SLIT3: variants seen among roughly 807,000 people sequenced by gnomAD.
SLIT3 encodes slit homolog 3 protein.
In SLIT3, 68 loss-of-function variants were observed where a neutral mutation model predicts 184.0. The ratio of observed to expected loss-of-function variants is 0.37; its 90% CI spans 0.30 to 0.45. SLIT3 has a LOEUF of 0.45. SLIT3 is among the 20% of genes least tolerant of loss of function. The pLI is 1.00. For synonymous variants in SLIT3, 831 were observed against 828.6 expected (o/e 1.00, Z -0.05); for missense variants, 1,707 against 2,026.0 (o/e 0.84, Z 3.02).
intron 3 of SLIT3, among the ~76,000 whole-genome samples, chr5:169,198,659 C>T (rs748349369): frequency 9.2e-5 from 14 of 152,080 alleles, no homozygotes; most frequent in East Asian, 3.9e-4. Flanking sequence ...CCTGGCCGGG[C>T]GTGGTGGCTC....
At chr5:169,031,747 C>T (rs1160053894) in intron 4 of SLIT3, among the ~76,000 whole-genome samples, 2 of 152,144 alleles carry the variant, frequency 1.3e-5, no homozygotes, top group African/African-American at 4.8e-5. Flanking sequence ...GTAGTCATTG[C>T]AGGGACTTAA....
intron 4 of SLIT3, among the ~76,000 whole-genome samples, chr5:169,153,405 T>C (rs1470519491): frequency 6.6e-6 from 1 of 152,250 alleles, no homozygotes; most frequent in Non-Finnish European, 1.5e-5. Flanking sequence ...TTCAGGTGCT[T>C]TTGCAGAATT....
chr5:168,776,661 T>TC (rs1755758636), intron 12 of SLIT3, among the ~76,000 whole-genome samples: 1 of 151,970 alleles, frequency 6.6e-6, no homozygotes, highest in Non-Finnish European at 1.5e-5. Context: ...GCAACATCCC[T>TC]CCCCCCTGCA....
chr5:169,172,338 G>A (rs544417492), intron 4 of SLIT3, among the ~76,000 whole-genome samples: 13 of 152,278 alleles, frequency 8.5e-5, no homozygotes, highest in African/African-American at 3.1e-4. Context: ...ATATTAAGAA[G>A]TTGTAACTTC....
intron 4 of SLIT3, among the ~76,000 whole-genome samples, chr5:169,105,197 G>C (rs144516035): frequency 4.0e-5 from 6 of 151,780 alleles, no homozygotes. Flanking sequence ...TTTTCCATGC[G>C]TCACAAATAC....
chr5:168,708,880 A>G (rs1290951286), intron 25 of SLIT3, among the ~76,000 whole-genome samples: 1 of 152,124 alleles, frequency 6.6e-6, no homozygotes, highest in Non-Finnish European at 1.5e-5. Flanking sequence ...TCAGTGAGTG[A>G]CTGTTTGTGG....
chr5:168,778,979 T>C (rs761150079), intron 12 of SLIT3, among the ~76,000 whole-genome samples: 8 of 152,172 alleles, frequency 5.3e-5, no homozygotes, highest in Non-Finnish European at 8.8e-5. Flanking sequence ...TCGGAGATCA[T>C]ATAAATGAAA....
chr5:169,270,237 G>A lies in SLIT3; in HGVS notation c.198-18778C>T, dbSNP rs867448898. Among the ~76,000 whole-genome samples the A allele has an allele frequency of 2.0e-5, 3 of 152,088 alleles. No individual in the cohort carries two copies. In the South Asian group the frequency reaches 6.2e-4, roughly 32 times the overall value. On this transcript the variant is annotated intron_variant, in intron 1 of 35. Coordinates refer to ENST00000519560, the MANE Select transcript of SLIT3 (RefSeq NM_003062.4). ...TTCATTCAATCAGCGTTTATGAATG[G>A]CAACTTAGTGCCAGGACCGAGTCTA...
At chr5:168,991,318 C>G (rs970088836) in intron 4 of SLIT3, among the ~76,000 whole-genome samples, 2 of 152,310 alleles carry the variant, frequency 1.3e-5, no homozygotes. Context: ...TCAGAGGCCT[C>G]CAAAGGAGGA....
intron 4 of SLIT3, among the ~76,000 whole-genome samples, chr5:169,093,349 A>G (rs1434698086): frequency 6.6e-6 from 1 of 152,190 alleles, no homozygotes; most frequent in Non-Finnish European, 1.5e-5. Flanking sequence ...AAATTCTGGA[A>G]CTGATTATAA....
chr5:168,695,779 C>T (rs927811636), intron 28 of SLIT3, among the ~76,000 whole-genome samples: 3 of 152,154 alleles, frequency 2.0e-5, no homozygotes, highest in Non-Finnish European at 4.4e-5. Context: ...TGTGATCCCA[C>T]ACCCCAGGGC....
chr5:169,000,856 T>C (rs1055019865), intron 4 of SLIT3, among the ~76,000 whole-genome samples: 1 of 152,238 alleles, frequency 6.6e-6, no homozygotes, highest in African/African-American at 2.4e-5. Flanking sequence ...ATTTAATTTA[T>C]ACTAGATGTT....
intron 23 of SLIT3, among the ~76,000 whole-genome samples, chr5:168,717,667 CTTTTTT>C (rs753109811): frequency 1.3e-4 from 19 of 146,510 alleles, no homozygotes; most frequent in African/African-American, 3.7e-4. Context: ...TCTGTCTTTT[CTTTTTT>C]TTTTTGAGAC....
chr5:168,832,422 C>T (rs991609585), intron 6 of SLIT3, among the ~76,000 whole-genome samples: 3 of 152,216 alleles, frequency 2.0e-5, no homozygotes, highest in East Asian at 1.9e-4. Context: ...CATGTAGTTA[C>T]GTAGCCAGAG....
intron 14 of SLIT3, among the ~76,000 whole-genome samples, chr5:168,770,821 A>C (rs2082400): frequency 1.3e-5 from 2 of 151,766 alleles, no homozygotes; most frequent in Non-Finnish European, 2.9e-5. Flanking sequence ...AGTTAGAACT[A>C]AGCTCTACTG....
intron 23 of SLIT3, chr5:168,720,968 A>G (rs1043204511): frequency 6.6e-6 from 1 of 152,052 alleles, no homozygotes. Flanking sequence ...TCTGCAACCT[A>G]CTGACTGCTA....
At chr5:169,272,779 T>C (rs1335854725) in intron 1 of SLIT3, among the ~76,000 whole-genome samples, 5 of 152,184 alleles carry the variant, frequency 3.3e-5, no homozygotes, top group Non-Finnish European at 5.9e-5. Flanking sequence ...GAGCCAAACA[T>C]TGGCTCCAGT....
chr5:169,154,182 G>C (rs537126319), intron 4 of SLIT3, among the ~76,000 whole-genome samples: 1 of 151,980 alleles, frequency 6.6e-6, no homozygotes, highest in Non-Finnish European at 1.5e-5. Context: ...CCGTGGTCTC[G>C]ATCTCCTGAC....
intron 1 of SLIT3, among the ~76,000 whole-genome samples, chr5:169,292,875 G>A (rs551227587): frequency 1.5e-4 from 23 of 152,372 alleles, no homozygotes; most frequent in African/African-American, 3.1e-4. Context: ...GGAAGACTGG[G>A]GAGATATGGG....
Sources: allele counts gnomAD v4.1 joint callset (sites outside exome capture counted in the v4.1 genomes callset), GRCh38; gene constraint gnomAD v4.1.1; transcripts MANE v1.5; gene names NCBI Gene and HGNC (gene_info 2026-07-23, HGNC 2026-07-21).